Variants in CDH23 observed in about 807,000 individuals in gnomAD.
The protein encoded by CDH23 is cadherin related 23, also known as cadherin-23.
In CDH23, 189 loss-of-function variants were observed where a neutral mutation model predicts 317.1. The ratio of observed to expected loss-of-function variants is 0.60; its 90% CI spans 0.53 to 0.67. The LOEUF (loss-of-function observed/expected upper bound fraction) is 0.67. Among genes scored for constraint, CDH23 ranks in the 30% least tolerant of loss-of-function variants. The pLI, the probability that CDH23 is intolerant of heterozygous loss-of-function variation, is 0.00. For synonymous variants in CDH23, 1,839 were observed against 1,876.8 expected (o/e 0.98, Z 0.52); for missense variants, 4,401 against 4,592.4 (o/e 0.96, Z 1.20).
intron 2 of CDH23, among the ~76,000 whole-genome samples, 158 bp from the exon 3 acceptor site, chr10:71,446,160 C>T (rs1850154888): frequency 6.6e-6 from 1 of 152,196 alleles, no homozygotes; most frequent in African/African-American, 2.4e-5. Context: ...CCCCCACTTG[C>T]CTTGAGGCAG....
intron 11 of CDH23, among the ~76,000 whole-genome samples, chr10:71,620,379 G>C (rs912025910): frequency 2.0e-5 from 3 of 152,116 alleles, no homozygotes; most frequent in Non-Finnish European, 2.9e-5. Context: ...TCCTGACCAG[G>C]CCTGAGTCCA....
chr10:71,581,904 C>T (rs542102745), intron 9 of CDH23, among the ~76,000 whole-genome samples: 8 of 152,338 alleles, frequency 5.3e-5, no homozygotes, highest in African/African-American at 1.4e-4. Context: ...ACTCACCCCC[C>T]CAACAGAGCA....
chr10:71,398,090 A>G (rs4747152), intron 1 of CDH23, among the ~76,000 whole-genome samples: 63,503 of 152,062 alleles, frequency 0.42, 18,640 homozygotes, highest in African/African-American at 0.83. Context: ...CAAGGCAGTG[A>G]CGGCGCCAGC....
chr10:71,590,245 A>G (rs1859373671), intron 9 of CDH23, among the ~76,000 whole-genome samples: 3 of 152,278 alleles, frequency 2.0e-5, no homozygotes, highest in Non-Finnish European at 4.4e-5. Flanking sequence ...TTCAGAGCAG[A>G]TATTTTCAGA....
chr10:71,581,863 C>T (rs1858662845), intron 9 of CDH23, among the ~76,000 whole-genome samples: 1 of 152,226 alleles, frequency 6.6e-6, no homozygotes. Context: ...CTCTGCCAGA[C>T]AGCCACAGTC....
chr10:71,713,497 A>G (rs1413122057), intron 28 of CDH23: 4 of 559,292 alleles, frequency 7.2e-6, no homozygotes, highest in Non-Finnish European at 1.3e-5. Flanking sequence ...GAGGGACAGA[A>G]GCGTGGGAGG....
intron 3 of CDH23, among the ~76,000 whole-genome samples, chr10:71,457,577 G>T (rs1223667298): frequency 6.6e-6 from 1 of 152,184 alleles, no homozygotes; most frequent in Non-Finnish European, 1.5e-5. Context: ...CAGGTGCTGG[G>T]TGAAGGAGCA....
chr10:71,619,103 G>A (rs182888480), intron 11 of CDH23, among the ~76,000 whole-genome samples: 6 of 152,270 alleles, frequency 3.9e-5, no homozygotes, highest in African/African-American at 1.4e-4. Context: ...GGGAGGCCGA[G>A]GCAGGTGGAT....
chr10:71,741,607 G>A, intron 37 of CDH23, 87 bp from the exon 38 acceptor site: 1 of 1,130,924 alleles, frequency 8.8e-7, no homozygotes, highest in Non-Finnish European at 1.3e-6. Context: ...GGAGGTACAG[G>A]GGGAGCCTTC....
chr10:71,659,688 C>A (rs1218919017), intron 14 of CDH23, among the ~76,000 whole-genome samples: 6 of 152,198 alleles, frequency 3.9e-5, no homozygotes, highest in Admixed American at 3.9e-4. Flanking sequence ...TTTAATTCTG[C>A]TAGATTTCAT....
intron 3 of CDH23, among the ~76,000 whole-genome samples, chr10:71,508,812 C>T (rs771281463): frequency 1.3e-5 from 2 of 152,174 alleles, no homozygotes; most frequent in East Asian, 1.9e-4. Context: ...GAAAATGACG[C>T]GCTGTACACT....
At chr10:71,589,397 C>T (rs749773619) in intron 9 of CDH23, among the ~76,000 whole-genome samples, 1 of 152,120 alleles carries the variant, frequency 6.6e-6, no homozygotes, top group South Asian at 2.1e-4. Flanking sequence ...GGATTACAGG[C>T]GTGAGCCACC....
At chr10:71,468,851 G>T (rs528574179) in intron 3 of CDH23, among the ~76,000 whole-genome samples, 1 of 152,250 alleles carries the variant, frequency 6.6e-6, no homozygotes, top group Admixed American at 6.5e-5. Context: ...CTTACTCCAC[G>T]CACGCCTCTG....
intron 38 of CDH23, chr10:71,761,831 G>A (rs780017291): frequency 3.5e-5 from 57 of 1,614,052 alleles, no homozygotes; most frequent in Admixed American, 1.7e-4. Flanking sequence ...GTCCTGGAAC[G>A]TGAGGTTGCG....
chr10:71,670,263 A>G (rs1864089559), intron 14 of CDH23, among the ~76,000 whole-genome samples: 1 of 152,218 alleles, frequency 6.6e-6, no homozygotes, highest in Non-Finnish European at 1.5e-5. Flanking sequence ...ATGGTGGGGT[A>G]TCAGCCCCAC....
intron 3 of CDH23, among the ~76,000 whole-genome samples, chr10:71,453,637 T>C (rs1016014559): frequency 3.9e-5 from 6 of 152,364 alleles, no homozygotes; most frequent in African/African-American, 1.4e-4. Flanking sequence ...CAATGTCCCT[T>C]TAAAGAGGAG....
intron 14 of CDH23, among the ~76,000 whole-genome samples, chr10:71,673,871 C>T (rs1333459285): frequency 6.6e-6 from 1 of 152,156 alleles, no homozygotes; most frequent in Non-Finnish European, 1.5e-5. Flanking sequence ...GAGGCCCCGT[C>T]CAGGAGCCAG....
chr10:71,802,122 AC>A, intron 53 of CDH23, among the ~76,000 whole-genome samples: 1 of 152,346 alleles, frequency 6.6e-6, no homozygotes, highest in Non-Finnish European at 1.5e-5. Flanking sequence ...AGCCTGGCCA[AC>A]ATGGTGAAAA....
chr10:71,517,961 C>T (rs1039254269), intron 6 of CDH23, among the ~76,000 whole-genome samples: 1 of 152,256 alleles, frequency 6.6e-6, no homozygotes, highest in African/African-American at 2.4e-5. Context: ...CAGATGCCAT[C>T]GCCTGCGGCA....
Sources: allele counts gnomAD v4.1 joint callset (sites outside exome capture counted in the v4.1 genomes callset), GRCh38; gene constraint gnomAD v4.1.1; transcripts MANE v1.5; gene names NCBI Gene and HGNC (gene_info 2026-07-23, HGNC 2026-07-21).